The following PATL1 variants were observed in gnomAD, a reference collection of about 807,000 sequenced individuals.
PATL1 encodes protein PAT1 homolog 1.
In PATL1, 32 loss-of-function variants were observed where a neutral mutation model predicts 100.6. The ratio of observed to expected loss-of-function variants is 0.32; its 90% CI spans 0.24 to 0.43. The LOEUF is 0.43. Among genes scored for constraint, PATL1 ranks in the 20% least tolerant of loss-of-function variants. PATL1 has a pLI of 1.00. For missense variants in PATL1, 747 were observed against 949.9 expected (o/e 0.79, Z 2.81); for synonymous variants, 332 against 330.0 (o/e 1.01, Z -0.07).
intron 4 of PATL1, 127 bp from the exon 5 acceptor site, chr11:59,657,851 G>A (rs542617197): frequency 5.1e-6 from 4 of 783,648 alleles, no homozygotes; most frequent in Non-Finnish European, 7.4e-6. Context: ...TTCACATATA[G>A]TAAAATTCAC....
rs1363453889 is a variant in PATL1, at chr11:59,651,460, A to G, written c.1524+84T>C. On this transcript the variant is annotated intron_variant, in intron 12 of 18. Coordinates refer to ENST00000300146, the MANE Select transcript of PATL1 (RefSeq NM_152716.3). ...GGGTTAGACTACAAACAACTCTACC[A>G]TGCCTGATCTCATTCCATGGTGACC... 3.7e-6 allele frequency: 4 copies of G among 1,078,018 alleles called. No homozygotes were observed. The East Asian group carries it at 7.5e-5, about 20-fold the overall frequency. The allele number at this position is 1,078,018 out of a possible 1,614,324, so 66.8% of individuals were successfully genotyped here. A position where few individuals can be genotyped will look rare whatever the true frequency, so the allele number is the denominator to read the frequency against.
chr11:59,650,773 G>T lies in PATL1; in HGVS notation c.1565C>A (p.Thr522Asn). 1 of 1,556,662 alleles carries T rather than the reference G, an allele frequency of 6.4e-7. No homozygotes were observed. Among genetic ancestry groups the T allele is most frequent in the Non-Finnish European group, 8.7e-7 (1 of 1,148,750 alleles). The change falls in exon 13 of 19, where the codon ACC (threonine) becomes AAC (asparagine). Residue 522 changes from threonine (T) to asparagine (N), a missense_variant. Thr to Asn is a moderately conservative substitution (Grantham distance 65). Around this residue, in one of 4 missense-constraint regions of PATL1, gnomAD observed 434 missense variants for 596.1 expected, o/e 0.73. Transcript: ENST00000300146. ...ACTTACTTTCTCAATTATAACAAGG[G>T]TTTTTCTCCTCTTGTCTCGAACTTG... ...EKQVRDKRRKTLVIIEKTYSL... is the reference protein window; with the variant it reads ...EKQVRDKRRKNLVIIEKTYSL...
chr11:59,647,222 C>CAAAAAAAAA (rs1175300355), intron 15 of PATL1, among the ~76,000 whole-genome samples: 2 of 60,492 alleles, frequency 3.3e-5, no homozygotes, highest in African/African-American at 5.8e-5. Flanking sequence ...AACTCTGTCT[C>CAAAAAAAAA]AAAAAAAAAA....
chr11:59,663,728 A>T (rs1861654762), intron 2 of PATL1, among the ~76,000 whole-genome samples: 1 of 152,136 alleles, frequency 6.6e-6, no homozygotes, highest in Non-Finnish European at 1.5e-5. Flanking sequence ...CATGCAGAAG[A>T]CTAGTTTCTT....
At chr11:59,668,799 C>T in intron 1 of PATL1, 82 bp downstream of exon 1, 1 of 726,314 alleles carries the variant, frequency 1.4e-6, no homozygotes, top group Non-Finnish European at 2.3e-6. Context: ...CCCGCAGGAA[C>T]ACAGGACCGG....
At chr11:59,668,803 G>A (rs979269154) in intron 1 of PATL1, 78 bp downstream of exon 1, 1 of 746,888 alleles carries the variant, frequency 1.3e-6, no homozygotes. Flanking sequence ...CAGGAACACA[G>A]GACCGGCGCG....
intron 2 of PATL1, among the ~76,000 whole-genome samples, chr11:59,662,845 AT>A (rs1861644057): frequency 1.3e-5 from 2 of 152,154 alleles, no homozygotes; most frequent in Admixed American, 1.3e-4. Context: ...AATATGGATA[AT>A]CTATTTCCCC....
intron 16 of PATL1, among the ~76,000 whole-genome samples, chr11:59,642,168 G>A (rs1861291712): frequency 6.6e-6 from 1 of 152,202 alleles, no homozygotes; most frequent in South Asian, 2.1e-4. Flanking sequence ...AAGCTAGACA[G>A]TAGCAGGGAA....
At chr11:59,644,694 G>A (rs1239804464) in intron 15 of PATL1, among the ~76,000 whole-genome samples, 2 of 152,014 alleles carry the variant, frequency 1.3e-5, no homozygotes, top group Non-Finnish European at 2.9e-5. Context: ...TTTGATTCAG[G>A]TTCAGTAGGA....
At chr11:59,651,697 C>A in intron 11 of PATL1, 56 bp from the exon 12 acceptor site, 1 of 1,122,412 alleles carries the variant, frequency 8.9e-7, no homozygotes, top group East Asian at 2.5e-5. Context: ...GCAATGCAGG[C>A]AGGCAGTGTT....
At position 59,649,619 on chromosome 11, in the gene PATL1, G is replaced by A. The variant is rs1385859287; in HGVS notation, c.1585-9C>T. 6 of 1,610,174 alleles carry A rather than the reference G, an allele frequency of 3.7e-6. No individual in the cohort carries two copies. The highest frequency in any genetic ancestry group is 4.2e-6 in the Non-Finnish European group (5 of 1,178,120). ...AGGAGTAAGCTGTAGGTCTAAGAAG[G>A]GAGACAAAAGCAGGCCACAGCATGC... is the stretch of plus-strand genomic sequence containing the variant. On this transcript the variant is annotated splice_polypyrimidine_tract_variant and intron_variant, in intron 13 of 18. Coordinates refer to ENST00000300146, the MANE Select transcript of PATL1 (RefSeq NM_152716.3).
chr11:59,643,877 G>C (rs1188755217), intron 15 of PATL1, among the ~76,000 whole-genome samples: 1 of 152,086 alleles, frequency 6.6e-6, no homozygotes, highest in Non-Finnish European at 1.5e-5. Flanking sequence ...TTGAATTCCA[G>C]CCTTCTAGTC....
intron 2 of PATL1, among the ~76,000 whole-genome samples, chr11:59,660,737 A>C (rs1022241646): frequency 6.6e-6 from 1 of 152,126 alleles, no homozygotes; most frequent in Non-Finnish European, 1.5e-5. Flanking sequence ...AGCCAATGGA[A>C]ATTTTCATTT....
intron 5 of PATL1, chr11:59,657,116 A>G (rs1424228896): frequency 1.0e-6 from 1 of 985,184 alleles, no homozygotes; most frequent in Non-Finnish European, 1.2e-6. Flanking sequence ...TGCTGGTTTC[A>G]GGTGGAGGAA....
chr11:59,653,097 G>GTTT (rs34650341), intron 9 of PATL1, 79 bp from the exon 10 acceptor site: 2,555 of 889,668 alleles, frequency 2.9e-3, no homozygotes, highest in South Asian at 3.8e-3. Flanking sequence ...AACCAGGCCA[G>GTTT]TTTTTTTTTT....
chr11:59,650,648 A>C, intron 13 of PATL1, 106 bp downstream of exon 13: 2 of 781,382 alleles, frequency 2.6e-6, no homozygotes, highest in Non-Finnish European at 4.0e-6. Context: ...TCATGAATTA[A>C]AACCAAAGAA....
rs1272011955 is a variant in PATL1, at chr11:59,655,987, A to C, written c.782T>G (p.Leu261Arg). 2 of 1,518,740 alleles carry C rather than the reference A, an allele frequency of 1.3e-6. No homozygotes were observed. The highest frequency in any genetic ancestry group is 1.8e-6 in the Non-Finnish European group (2 of 1,123,186). The allele number at this position is 1,518,740 out of a possible 1,614,324, so 94.1% of individuals were successfully genotyped here. Residue 261 changes from leucine to arginine, a missense_variant, in exon 7 of 19, where the codon CTC (leucine) becomes CGC (arginine). Transcript: ENST00000300146. ...PPSVPPVLSP[L>R]QRAQLLGGAQ... ...TCCTCCAAGAAGCTGTGCTCTCTGG[A>C]GGGGGCTGAGAACAGGAGGAACACT...
In PATL1 at chr11:59,639,304, T is replaced by C. The variant is rs911852814; in HGVS notation, c.2129A>G (p.Gln710Arg). 3 of 1,552,772 alleles carry C rather than the reference T, an allele frequency of 1.9e-6. No homozygotes were observed. Among genetic ancestry groups the C allele is most frequent in the Non-Finnish European group, 2.6e-6 (3 of 1,147,714 alleles). ...QSSDPATEST[Q>R]NNQWTEVMFM... The stretch of plus-strand genomic sequence containing the variant: ...AGTCCACACTGACCACTGATTATTT[T>C]GTGTTGATTCTGTAGCAGGGTCTGA... The change falls in exon 17 of 19, where the codon CAA (glutamine) becomes CGA (arginine). Residue 710 changes from glutamine to arginine, a missense_variant. Gln to Arg is a conservative substitution (Grantham distance 43, BLOSUM62 1). Transcript: ENST00000300146.
chr11:59,650,661 T>C (rs76847509), intron 13 of PATL1, 93 bp downstream of exon 13: 35,310 of 852,880 alleles, frequency 0.041, 941 homozygotes, highest in Non-Finnish European at 0.044. Flanking sequence ...CCAAAGAACA[T>C]TGACTGATTG....
Sources: gnomAD v4.1 joint callset for allele counts (sites outside exome capture counted in the v4.1 genomes callset) on GRCh38, gnomAD v4.1.1 for gene constraint, gnomAD v4.1.1 regional missense constraint, MANE v1.5 for transcripts, NCBI Gene and HGNC (gene_info 2026-07-23, HGNC 2026-07-21) for gene names.